Variants in BLM observed in about 807,000 individuals in gnomAD.
BLM encodes recQ-like DNA helicase BLM.
A neutral mutation model predicts 135.3 loss-of-function variants in BLM; 95 were observed. That is an observed-to-expected ratio of 0.70 (90% confidence interval 0.59 to 0.83). The LOEUF (loss-of-function observed/expected upper bound fraction) is 0.83. Ranked by LOEUF, BLM falls within the 40% of genes least tolerant of loss-of-function variation. The probability of loss-of-function intolerance (pLI) is 0.00; values close to 1 mark genes in which losing one functional copy is unlikely to be tolerated. For synonymous variants in BLM, 520 were observed against 589.2 expected, an observed-to-expected ratio of 0.88 and a Z score of 1.70; for missense variants, 1,518 against 1,663.9, an observed-to-expected ratio of 0.91 and a Z score of 1.53.
chr15:90,804,499 T>C, intron 19 of BLM, 140 bp downstream of exon 19: 1 of 944,546 alleles, frequency 1.1e-6, no homozygotes, highest in Non-Finnish European at 1.6e-6. Context: ...GGTCTCGCTG[T>C]GTCACCCGGG....
intron 15 of BLM, among the ~76,000 whole-genome samples, chr15:90,792,789 G>A (rs1896937666): frequency 6.6e-6 from 1 of 152,118 alleles, no homozygotes; most frequent in Non-Finnish European, 1.5e-5. Flanking sequence ...AAAATGAAAT[G>A]CAGAACTAGT....
In BLM at chr15:90,809,183, T is replaced by C; in HGVS notation, c.3798T>C (p.Val1266=). Residue 1266 remains valine, a synonymous_variant, in exon 20 of 22, where the codon GTT becomes GTC. Coordinates refer to ENST00000355112, the MANE Select transcript of BLM (RefSeq NM_000057.4). ...DPEVLLQIDG[V]TEDKLEKYGA... is the part of the protein sequence containing the mutation. ...AGGTTTTGCTTCAAATTGATGGTGT[T>C]ACTGAAGACAAACTGGAAAAATATG... 1.2e-6 allele frequency: 2 copies of C among 1,614,186 alleles called. No individual in the cohort carries two copies. The highest frequency in any genetic ancestry group is 1.7e-6 in the Non-Finnish European group (2 of 1,179,990).
chr15:90,759,924 A>G (rs1472779467), intron 5 of BLM: 1 of 362,326 alleles, frequency 2.8e-6, no homozygotes, highest in Non-Finnish European at 5.2e-6. Context: ...AAAAAAAAAA[A>G]AAAAAAAGAA....
intron 1 of BLM, among the ~76,000 whole-genome samples, chr15:90,720,820 G>A (rs899059010): frequency 4.6e-5 from 7 of 152,016 alleles, no homozygotes; most frequent in Non-Finnish European, 5.9e-5. Flanking sequence ...TCTCGAACTC[G>A]TAGGCTCAAG....
intron 7 of BLM, 56 bp from the exon 8 acceptor site, chr15:90,762,910 C>A: frequency 6.7e-7 from 1 of 1,499,182 alleles, no homozygotes; most frequent in Non-Finnish European, 9.2e-7. Flanking sequence ...AATGCTAAAG[C>A]TGTACTTTCA....
chr15:90,805,983 G>T (rs1472908379), intron 19 of BLM, among the ~76,000 whole-genome samples: 3 of 152,046 alleles, frequency 2.0e-5, no homozygotes, highest in Admixed American at 6.5e-5. Flanking sequence ...CCGAGTAGCT[G>T]GGATTACAGG....
chr15:90,786,594 G>GT (rs935717599), intron 14 of BLM, among the ~76,000 whole-genome samples: 17 of 151,370 alleles, frequency 1.1e-4, no homozygotes, highest in Admixed American at 4.0e-4. Context: ...CTCTTTGTGG[G>GT]TTTTTTTTTA....
chr15:90,770,985 T>C (rs930319439), intron 12 of BLM, among the ~76,000 whole-genome samples: 1 of 152,234 alleles, frequency 6.6e-6, no homozygotes, highest in East Asian at 1.9e-4. Flanking sequence ...AGCCTAGAAT[T>C]ATTTTATTGC....
At chr15:90,760,048 C>T (rs1895925870) in intron 5 of BLM, 99 bp from the exon 6 acceptor site, 1 of 1,258,780 alleles carries the variant, frequency 7.9e-7, no homozygotes, top group Non-Finnish European at 1.1e-6. Context: ...CCTTGGCCTC[C>T]CCAAAGGGCT....
rs1236798744 is a variant in BLM, at chr15:90,735,760, A to T, written c.-4-11629A>T. Among the ~76,000 whole-genome samples the T allele has an allele frequency of 3.3e-5, 5 of 152,152 alleles. 1 individual carries two copies. The East Asian group carries it at 7.7e-4, about 23-fold the overall frequency. On this transcript the variant is annotated intron_variant, in intron 1 of 21. Transcript: ENST00000355112. Reference sequence around the variant, plus strand: ...AGTTTTCTGTAACCTGGATGTGGAGAAGGGCAATAAAAGAGGGGGAAAAAT... The same window carrying T: ...AGTTTTCTGTAACCTGGATGTGGAGTAGGGCAATAAAAGAGGGGGAAAAAT...
chr15:90,765,493 T>C (rs1483042654), intron 9 of BLM, 79 bp downstream of exon 9: 3 of 1,156,302 alleles, frequency 2.6e-6, no homozygotes, highest in Non-Finnish European at 3.8e-6. Flanking sequence ...TTTTATTAAA[T>C]AGTTCGTGAT....
At chr15:90,748,856 C>G (rs1330484146) in intron 2 of BLM, among the ~76,000 whole-genome samples, 1 of 151,634 alleles carries the variant, frequency 6.6e-6, no homozygotes, top group Non-Finnish European at 1.5e-5. Context: ...CTCCTGGGTT[C>G]AAGCTATTCT....
chr15:90,786,777 G>C (rs1672282915), intron 14 of BLM, among the ~76,000 whole-genome samples: 1 of 151,930 alleles, frequency 6.6e-6, no homozygotes, highest in African/African-American at 2.4e-5. Context: ...ACCACACCCA[G>C]CTTATTTTTG....
intron 1 of BLM, among the ~76,000 whole-genome samples, chr15:90,725,204 C>T (rs1047247015): frequency 2.6e-5 from 4 of 152,008 alleles, no homozygotes; most frequent in Admixed American, 6.6e-5. Context: ...CCACCACGCC[C>T]GGCCCCCAGA....
At chr15:90,742,512 C>A (rs1895390690) in intron 1 of BLM, among the ~76,000 whole-genome samples, 1 of 152,138 alleles carries the variant, frequency 6.6e-6, no homozygotes, top group Non-Finnish European at 1.5e-5. Context: ...TTTGATAGAT[C>A]CCCAACCAGT....
chr15:90,768,608 T>A (rs778228660), intron 10 of BLM, among the ~76,000 whole-genome samples: 7 of 152,270 alleles, frequency 4.6e-5, no homozygotes, highest in Non-Finnish European at 8.8e-5. Flanking sequence ...ACCTGCTAAA[T>A]AAGCTGTTTG....
At chr15:90,735,148 A>T (rs927649082) in intron 1 of BLM, among the ~76,000 whole-genome samples, 1 of 150,566 alleles carries the variant, frequency 6.6e-6, no homozygotes, top group African/African-American at 2.4e-5. Flanking sequence ...GAAATCTTTA[A>T]AACACTTCTG....
chr15:90,725,924 T>C (rs1254509403), intron 1 of BLM, among the ~76,000 whole-genome samples: 2 of 152,076 alleles, frequency 1.3e-5, no homozygotes, highest in African/African-American at 4.8e-5. Context: ...CACATTTACA[T>C]AGGTGTAGCA....
At chr15:90,779,216 G>C (rs897839511) in intron 12 of BLM, among the ~76,000 whole-genome samples, 16 of 152,062 alleles carry the variant, frequency 1.1e-4, no homozygotes, top group African/African-American at 3.9e-4. Context: ...CTGTCGCACT[G>C]TTTTCCAAAG....
Sources: gnomAD v4.1 joint callset for allele counts (sites outside exome capture counted in the v4.1 genomes callset) on GRCh38, gnomAD v4.1.1 for gene constraint, MANE v1.5 for transcripts, NCBI Gene and HGNC (gene_info 2026-07-23, HGNC 2026-07-21) for gene names.